Variants in KCNMB2 observed in about 807,000 individuals in gnomAD.
The protein encoded by KCNMB2 is potassium calcium-activated channel subfamily M regulatory beta subunit 2.
KCNMB2 carries 9 observed loss-of-function variants against 24.5 expected under a neutral mutation model. The ratio of observed to expected loss-of-function variants is 0.37; its 90% CI spans 0.22 to 0.64. KCNMB2 has a LOEUF of 0.64. Ranked by LOEUF, KCNMB2 falls within the 30% of genes least tolerant of loss-of-function variation. KCNMB2 has a pLI of 0.63. For synonymous variants in KCNMB2, 109 were observed against 104.4 expected (o/e 1.04, Z -0.27); for missense variants, 226 against 284.3 (o/e 0.79, Z 1.47).
intron 1 of KCNMB2, among the ~76,000 whole-genome samples, chr3:178,790,342 G>A (rs1713272327): frequency 6.6e-6 from 1 of 152,030 alleles, no homozygotes; most frequent in Non-Finnish European, 1.5e-5. Flanking sequence ...TCCCAGCTGT[G>A]GTGCCCATAG....
At chr3:178,756,994 C>A (rs774246285) in intron 1 of KCNMB2, 5 of 151,574 alleles carry the variant, frequency 3.3e-5, no homozygotes, top group Admixed American at 2.6e-4. Flanking sequence ...AGAAGTGGCA[C>A]TAAAGTGACA....
chr3:178,757,747 T>C (rs1223765168), intron 1 of KCNMB2, among the ~76,000 whole-genome samples: 3 of 87,900 alleles, frequency 3.4e-5, no homozygotes, highest in East Asian at 3.4e-4. Flanking sequence ...GATATATATA[T>C]ATAAGAGGAT....
rs554808286 is a variant in KCNMB2, at chr3:178,550,445, G to A, written c.-68+13734G>A. Reference sequence around the variant, plus strand: ...TGCACTCCAGCCTGGGCGACAGAGCGAGACTCCGTCTCAAAAAAAAAAAAA... The same window carrying A: ...TGCACTCCAGCCTGGGCGACAGAGCAAGACTCCGTCTCAAAAAAAAAAAAA... On this transcript the variant is annotated intron_variant, in intron 1 of 4. Coordinates refer to ENST00000452583, the MANE Select transcript of KCNMB2 (RefSeq NM_181361.3). Among the ~76,000 whole-genome samples, 8 of 118,996 alleles carry A rather than the reference G, an allele frequency of 6.7e-5. No homozygotes were observed. The East Asian group carries it at 1.1e-3, about 16-fold the overall frequency. The allele number at this position is 118,996 out of a possible 152,430, so 78.1% of individuals were successfully genotyped here.
chr3:178,671,393 C>G (rs1268515149), intron 1 of KCNMB2, among the ~76,000 whole-genome samples: 2 of 152,090 alleles, frequency 1.3e-5, no homozygotes, highest in South Asian at 2.1e-4. Flanking sequence ...GCATTTGGAA[C>G]TAGAAAGAGG....
chr3:178,613,421 C>T (rs977396815), intron 1 of KCNMB2, among the ~76,000 whole-genome samples: 13 of 152,178 alleles, frequency 8.5e-5, no homozygotes, highest in Non-Finnish European at 1.9e-4. Context: ...TTACTATTAC[C>T]AGTAAGGTTT....
intron 4 of KCNMB2, among the ~76,000 whole-genome samples, chr3:178,839,500 A>AT (rs1199204788): frequency 6.6e-6 from 1 of 152,186 alleles, no homozygotes; most frequent in Non-Finnish European, 1.5e-5. Context: ...ACAAGTGTGT[A>AT]TTAATCTGTT....
chr3:178,569,504 T>C (rs548383492), intron 1 of KCNMB2, among the ~76,000 whole-genome samples: 67 of 152,288 alleles, frequency 4.4e-4, no homozygotes, highest in African/African-American at 1.3e-3. Flanking sequence ...TACAGCTTCT[T>C]CCATAAATTA....
At chr3:178,827,636 A>C (rs932118727) in intron 3 of KCNMB2, among the ~76,000 whole-genome samples, 6 of 152,204 alleles carry the variant, frequency 3.9e-5, no homozygotes, top group Non-Finnish European at 8.8e-5. Context: ...CCTTATTAGA[A>C]AGACCTTAAG....
At chr3:178,709,136 A>G (rs1011087449) in intron 1 of KCNMB2, among the ~76,000 whole-genome samples, 2 of 152,194 alleles carry the variant, frequency 1.3e-5, no homozygotes, top group African/African-American at 4.8e-5. Context: ...TTGGAGCCGA[A>G]GCCAATTTGT....
At chr3:178,749,179 A>C (rs1449669946) in intron 1 of KCNMB2, 3 of 152,226 alleles carry the variant, frequency 2.0e-5, no homozygotes, top group African/African-American at 7.2e-5. Flanking sequence ...CATCGTTAAC[A>C]ATGAGGATAT....
At chr3:178,674,418 T>C (rs1721005274) in intron 1 of KCNMB2, among the ~76,000 whole-genome samples, 1 of 152,226 alleles carries the variant, frequency 6.6e-6, no homozygotes, top group Admixed American at 6.5e-5. Flanking sequence ...TCTTCACCAT[T>C]AATGGTAACT....
chr3:178,708,764 T>C (rs557271145), intron 1 of KCNMB2, among the ~76,000 whole-genome samples: 24 of 152,274 alleles, frequency 1.6e-4, no homozygotes, highest in African/African-American at 5.5e-4. Flanking sequence ...AAAGAGGATA[T>C]TGAAGCTTAG....
chr3:178,722,994 T>A (rs1297897061), intron 1 of KCNMB2, among the ~76,000 whole-genome samples: 1 of 152,140 alleles, frequency 6.6e-6, no homozygotes, highest in Non-Finnish European at 1.5e-5. Context: ...GATATTGGGC[T>A]GTCTTTGTAT....
chr3:178,765,680 T>C (rs1712088477), intron 1 of KCNMB2, among the ~76,000 whole-genome samples: 1 of 152,210 alleles, frequency 6.6e-6, no homozygotes, highest in Non-Finnish European at 1.5e-5. Context: ...TGTCCACACA[T>C]GTGTGCACTG....
intron 1 of KCNMB2, among the ~76,000 whole-genome samples, chr3:178,778,456 A>ACACACACGCGCG (rs1491117300): frequency 4.8e-4 from 3 of 6,300 alleles, no homozygotes; most frequent in Non-Finnish European, 5.5e-4. Context: ...ACCCTTTAAG[A>ACACACACGCGCG]CACACACACA....
chr3:178,675,922 TTAGA>T (rs773303538), intron 1 of KCNMB2, among the ~76,000 whole-genome samples: 109 of 152,332 alleles, frequency 7.2e-4, no homozygotes, highest in Non-Finnish European at 1.3e-3. Context: ...GTTGGGTCTG[TTAGA>T]TACTTTATCA....
Position 178,842,858 on chromosome 3 carries a change from G to C in KCNMB2, c.629G>C (p.Gly210Ala). ...TGGCCAACCTGTATGATGGCTGGGGGTGTGGCAATTGTTGCCATGGTGAAA... is the reference window on the plus strand; with the variant it reads ...TGGCCAACCTGTATGATGGCTGGGGCTGTGGCAATTGTTGCCATGGTGAAA... Reference protein sequence around the residue: ...LFWPTCMMAGGVAIVAMVKLT... With the variant: ...LFWPTCMMAGAVAIVAMVKLT... Residue 210 changes from glycine (G) to alanine (A), a missense_variant, in exon 5 of 5, where the codon GGT (glycine) becomes GCT (alanine). By Grantham distance (60) the Gly-to-Ala change is moderately conservative. Transcript: ENST00000452583. 6.2e-7 allele frequency: 1 copy of C among 1,613,922 alleles called. No homozygotes were observed. The highest frequency in any genetic ancestry group is 8.5e-7 in the Non-Finnish European group (1 of 1,179,820).
chr3:178,627,186 A>G (rs950393047), intron 1 of KCNMB2, among the ~76,000 whole-genome samples: 1 of 152,190 alleles, frequency 6.6e-6, no homozygotes, highest in Admixed American at 6.5e-5. Flanking sequence ...TGAAGTAACC[A>G]GAAAGAAAAG....
chr3:178,694,826 T>A (rs1190781273), intron 1 of KCNMB2, among the ~76,000 whole-genome samples: 1 of 152,226 alleles, frequency 6.6e-6, no homozygotes, highest in Admixed American at 6.5e-5. Context: ...GTTGAGTGTC[T>A]GTGGCTTTTC....
Sources: gnomAD v4.1 joint callset for allele counts (sites outside exome capture counted in the v4.1 genomes callset) on GRCh38, gnomAD v4.1.1 for gene constraint, MANE v1.5 for transcripts, NCBI Gene and HGNC (gene_info 2026-07-23, HGNC 2026-07-21) for gene names.